The following ROBO2 variants were observed in gnomAD, a reference collection of about 807,000 sequenced individuals.
ROBO2 encodes roundabout guidance receptor 2.
Under a neutral mutation model 160.8 loss-of-function variants are expected in ROBO2, and 53 were observed. The ratio of observed to expected loss-of-function variants is 0.33; its 90% confidence interval spans 0.26 to 0.41. The LOEUF is 0.41. Ranked by LOEUF, ROBO2 falls within the 10% of genes least tolerant of loss-of-function variation. The pLI is 1.00. For missense variants in ROBO2, 1,577 were observed against 1,722.4 expected (o/e 0.92, Z 1.49); for synonymous variants, 664 against 611.7 (o/e 1.09, Z -1.26).
intron 2 of ROBO2, among the ~76,000 whole-genome samples, chr3:76,925,807 G>T (rs370673135): frequency 1.3e-5 from 2 of 152,074 alleles, no homozygotes; most frequent in East Asian, 1.9e-4. Context: ...ATCATAGTAG[G>T]TTCATTCATT....
chr3:76,858,822 G>C (rs2148598732), intron 2 of ROBO2, among the ~76,000 whole-genome samples: 1 of 152,304 alleles, frequency 6.6e-6, no homozygotes, highest in Admixed American at 6.5e-5. Flanking sequence ...ATCCACATTT[G>C]TGTGGTATCA....
chr3:76,830,627 T>C (rs2066997041), intron 2 of ROBO2, among the ~76,000 whole-genome samples: 1 of 152,008 alleles, frequency 6.6e-6, no homozygotes, highest in Non-Finnish European at 1.5e-5. Flanking sequence ...ACTTTCCACA[T>C]GTTGTTTTAT....
At chr3:76,273,444 A>G (rs1707720178) in intron 2 of ROBO2, among the ~76,000 whole-genome samples, 1 of 152,028 alleles carries the variant, frequency 6.6e-6, no homozygotes, top group Non-Finnish European at 1.5e-5. Context: ...GCTATAAAGA[A>G]CTGCCCGAGA....
At chr3:76,944,846 C>T (rs945419679) in intron 2 of ROBO2, among the ~76,000 whole-genome samples, 4 of 151,574 alleles carry the variant, frequency 2.6e-5, no homozygotes, top group African/African-American at 9.7e-5. Flanking sequence ...AACCTTCCTG[C>T]CAGCAGGTCC....
intron 23 of ROBO2, chr3:77,632,358 A>G: frequency 1.3e-6 from 1 of 752,042 alleles, no homozygotes; most frequent in Non-Finnish European, 2.0e-6. Context: ...TAAAGAAATC[A>G]TGATGAAACT....
chr3:76,142,743 C>T (rs910249563), intron 2 of ROBO2, among the ~76,000 whole-genome samples: 3 of 151,792 alleles, frequency 2.0e-5, no homozygotes, highest in African/African-American at 7.3e-5. Flanking sequence ...TATTTGATGG[C>T]ACGATAGGGT....
intron 2 of ROBO2, among the ~76,000 whole-genome samples, chr3:76,021,913 ATTT>A (rs370709030): frequency 7.1e-6 from 1 of 140,318 alleles, no homozygotes. Flanking sequence ...TTCGTGAAAG[ATTT>A]TTTTTTTTTT....
chr3:76,798,133 GAAGAAAGAGA>G (rs1286788438), intron 2 of ROBO2, among the ~76,000 whole-genome samples: 1 of 54,120 alleles, frequency 1.8e-5, no homozygotes, highest in Non-Finnish European at 3.8e-5. Flanking sequence ...AAGAAAGAAA[GAAGAAAGAGA>G]AAGAAAGAAA....
chr3:77,389,783 A>G (rs1334860158), intron 2 of ROBO2, among the ~76,000 whole-genome samples: 1 of 151,966 alleles, frequency 6.6e-6, no homozygotes, highest in Non-Finnish European at 1.5e-5. Context: ...TATTTCAGCA[A>G]GACCATGACA....
chr3:77,588,756 C>A, exon 17 of ROBO2: 1 of 1,612,878 alleles, frequency 6.2e-7, no homozygotes. Context: ...CATAGGGAGA[C>A]GCAATGAAGT....
At chr3:75,918,925 A>G (rs1946918515) in intron 1 of ROBO2, among the ~76,000 whole-genome samples, 1 of 152,184 alleles carries the variant, frequency 6.6e-6, no homozygotes, top group Non-Finnish European at 1.5e-5. Context: ...TATCAGGTTA[A>G]GGAATTTTTG....
chr3:76,414,613 T>C (rs1188393287), intron 2 of ROBO2, among the ~76,000 whole-genome samples: 1 of 57,444 alleles, frequency 1.7e-5, no homozygotes, highest in African/African-American at 7.5e-5. Context: ...CTGGGGACTG[T>C]GGTGGGGAGG....
In ROBO2 at chr3:76,607,095, C is replaced by T. The variant is rs572109216; in HGVS notation, c.110-490919C>T. ...TCTTGCTATGCTGCCCAGCCTAGAGCGCCGTGGCTAGTCACAGATGTGATC... is the reference window on the plus strand; with the variant it reads ...TCTTGCTATGCTGCCCAGCCTAGAGTGCCGTGGCTAGTCACAGATGTGATC... On this transcript the variant is annotated intron_variant, in intron 2 of 26. Coordinates refer to the ROBO2 transcript ENST00000487694. Among the ~76,000 whole-genome samples the T allele has an allele frequency of 7.9e-5, 12 of 152,270 alleles. No homozygotes were observed. In the East Asian group the frequency reaches 1.5e-3, roughly 20 times the overall value.
intron 2 of ROBO2, among the ~76,000 whole-genome samples, chr3:76,378,020 CCTTATTAGAAATATA>C (rs1337590849): frequency 6.6e-6 from 1 of 152,078 alleles, no homozygotes; most frequent in African/African-American, 2.4e-5. Context: ...GTCAGTGCCT[CCTTATTAGAAATATA>C]CCTAGAGAAA....
chr3:76,816,919 C>A (rs2065714457), intron 2 of ROBO2, among the ~76,000 whole-genome samples: 1 of 152,004 alleles, frequency 6.6e-6, no homozygotes, highest in Non-Finnish European at 1.5e-5. Context: ...ATGTCATTTG[C>A]AGGGACATGG....
chr3:76,646,621 G>A (rs2090982309), intron 2 of ROBO2, among the ~76,000 whole-genome samples: 1 of 152,090 alleles, frequency 6.6e-6, no homozygotes, highest in Non-Finnish European at 1.5e-5. Context: ...CTAACACAGA[G>A]TAAACGCTGA....
chr3:77,058,581 G>T (rs1200324984), intron 1 of ROBO2, among the ~76,000 whole-genome samples: 2 of 152,136 alleles, frequency 1.3e-5, no homozygotes, highest in Non-Finnish European at 2.9e-5. Context: ...CACCTAGGCT[G>T]GAGTATAGTG....
chr3:76,429,166 G>A (rs926010433), intron 2 of ROBO2, among the ~76,000 whole-genome samples: 3 of 149,132 alleles, frequency 2.0e-5, no homozygotes, highest in African/African-American at 4.9e-5. Flanking sequence ...ACCAGTGGGC[G>A]CACACACACA....
At chr3:77,575,333 G>A (rs1198808483) in intron 14 of ROBO2, among the ~76,000 whole-genome samples, 13 of 151,936 alleles carry the variant, frequency 8.6e-5, no homozygotes, top group African/African-American at 2.9e-4. Context: ...CTAAACAAGA[G>A]GCTTATAATA....
Sources: allele counts gnomAD v4.1 joint callset (sites outside exome capture counted in the v4.1 genomes callset), GRCh38; gene constraint gnomAD v4.1.1; transcripts MANE v1.5; gene names NCBI Gene and HGNC (gene_info 2026-07-23, HGNC 2026-07-21).